CERS6: variants seen among roughly 807,000 people sequenced by gnomAD.
The protein encoded by CERS6 is LAG1 homolog, ceramide synthase 6.
A neutral mutation model predicts 56.8 loss-of-function variants in CERS6; 26 were observed. That is an observed-to-expected ratio of 0.46 (90% CI 0.34 to 0.63). CERS6 has a LOEUF of 0.63. Among genes scored for constraint, CERS6 ranks in the 30% least tolerant of loss-of-function variants. The pLI, the probability that CERS6 is intolerant of heterozygous loss-of-function variation, is 0.01. For synonymous variants in CERS6, 164 were observed against 173.3 expected, an observed-to-expected ratio of 0.95 and a Z score of 0.42; for missense variants, 415 against 467.5, an observed-to-expected ratio of 0.89 and a Z score of 1.04.
chr2:168,601,917 G>A (rs1169297241), intron 3 of CERS6, among the ~76,000 whole-genome samples: 1 of 152,110 alleles, frequency 6.6e-6, no homozygotes, highest in Non-Finnish European at 1.5e-5. Flanking sequence ...TGCATGCAGT[G>A]TTGAACTTGA....
intron 1 of CERS6, among the ~76,000 whole-genome samples, chr2:168,516,906 T>C (rs1361719249): frequency 6.6e-6 from 1 of 152,144 alleles, no homozygotes; most frequent in Non-Finnish European, 1.5e-5. Context: ...TTTTGCACTC[T>C]TGATCACAAG....
chr2:168,737,509 C>T (rs1289806858), intron 8 of CERS6, among the ~76,000 whole-genome samples: 3 of 152,154 alleles, frequency 2.0e-5, no homozygotes, highest in Non-Finnish European at 4.4e-5. Context: ...AAATGAAGGG[C>T]TGCAGTGTCT....
chr2:168,514,240 A>G (rs1348970869), intron 1 of CERS6, among the ~76,000 whole-genome samples: 2 of 152,168 alleles, frequency 1.3e-5, no homozygotes, highest in African/African-American at 4.8e-5. Flanking sequence ...AAATTTCCCA[A>G]AGAAGTGTAG....
chr2:168,487,356 C>T (rs1161351699), intron 1 of CERS6, among the ~76,000 whole-genome samples: 1 of 152,188 alleles, frequency 6.6e-6, no homozygotes, highest in Non-Finnish European at 1.5e-5. Context: ...CCTTGTCTCT[C>T]TCCTCTACTA....
chr2:168,597,189 A>G (rs1302878580), intron 3 of CERS6, among the ~76,000 whole-genome samples: 4 of 152,194 alleles, frequency 2.6e-5, no homozygotes, highest in African/African-American at 9.7e-5. Context: ...ATAGGGTTTT[A>G]TTGGAGGGAA....
At chr2:168,641,252 A>G (rs1461312025) in intron 4 of CERS6, among the ~76,000 whole-genome samples, 1 of 38,828 alleles carries the variant, frequency 2.6e-5, no homozygotes, top group African/African-American at 6.6e-5. Context: ...ACTGTACCGG[A>G]AATGTCATTT....
intron 1 of CERS6, among the ~76,000 whole-genome samples, chr2:168,521,157 T>C (rs572771164): frequency 6.6e-6 from 1 of 152,288 alleles, no homozygotes; most frequent in Admixed American, 6.5e-5. Flanking sequence ...GACAACGCCG[T>C]ACAGTGATAA....
At chr2:168,638,396 C>T (rs1292398275) in intron 4 of CERS6, among the ~76,000 whole-genome samples, 1 of 150,708 alleles carries the variant, frequency 6.6e-6, no homozygotes, top group Admixed American at 6.6e-5. Flanking sequence ...ATGAATATCC[C>T]AGTTACCCTG....
At chr2:168,582,369 G>C (rs1276643998) in intron 3 of CERS6, among the ~76,000 whole-genome samples, 1 of 152,072 alleles carries the variant, frequency 6.6e-6, no homozygotes, top group African/African-American at 2.4e-5. Context: ...TTAGGTCTCT[G>C]GGTTCCTAGT....
chr2:168,763,984 A>G (rs1359071349), intron 8 of CERS6, among the ~76,000 whole-genome samples: 1 of 152,194 alleles, frequency 6.6e-6, no homozygotes, highest in African/African-American at 2.4e-5. Flanking sequence ...AGAGCAAAGC[A>G]CTAAAACCAG....
chr2:168,645,616 G>T (rs909188781), intron 4 of CERS6, among the ~76,000 whole-genome samples: 1 of 152,146 alleles, frequency 6.6e-6, no homozygotes, highest in East Asian at 1.9e-4. Context: ...GGGGTTTGTT[G>T]TATAGATTAT....
intron 8 of CERS6, among the ~76,000 whole-genome samples, chr2:168,720,208 G>T (rs1011437650): frequency 1.3e-5 from 2 of 151,896 alleles, no homozygotes; most frequent in African/African-American, 2.4e-5. Flanking sequence ...GGGATTACAG[G>T]CATGAGCCAC....
intron 6 of CERS6, among the ~76,000 whole-genome samples, chr2:168,696,724 C>T (rs1016461167): frequency 2.0e-5 from 3 of 152,184 alleles, no homozygotes; most frequent in Admixed American, 6.5e-5. Flanking sequence ...CTCTATGAGG[C>T]CTCCTTGTGA....
At chr2:168,751,953 T>A (rs1473136897) in intron 8 of CERS6, among the ~76,000 whole-genome samples, 2 of 152,230 alleles carry the variant, frequency 1.3e-5, no homozygotes, top group Non-Finnish European at 2.9e-5. Context: ...TCTACCTTAG[T>A]AATCAGTGTA....
At chr2:168,637,369 C>T (rs1433454995) in intron 4 of CERS6, among the ~76,000 whole-genome samples, 2 of 152,098 alleles carry the variant, frequency 1.3e-5, no homozygotes, top group Non-Finnish European at 2.9e-5. Context: ...ATAGTCCCAG[C>T]TACTCAGGAG....
At chr2:168,560,083 C>T (rs973306911) in intron 2 of CERS6, among the ~76,000 whole-genome samples, 3 of 152,066 alleles carry the variant, frequency 2.0e-5, no homozygotes, top group Non-Finnish European at 4.4e-5. Context: ...ACTTACAGTT[C>T]CACATGGCTG....
Position 168,715,232 on chromosome 2 carries a change from T to C in CERS6, c.738+103T>C, listed in dbSNP as rs1045994851. On this transcript the variant is annotated intron_variant, in intron 7 of 9. Coordinates refer to ENST00000305747, the MANE Select transcript of CERS6 (RefSeq NM_203463.3). Reference sequence around the variant, plus strand: ...TATGCTAGATGGTGCTTGGGTACAATAGTAAATAACTACATTGAAACTGCA... The same window carrying C: ...TATGCTAGATGGTGCTTGGGTACAACAGTAAATAACTACATTGAAACTGCA... 2.0e-5 allele frequency: 19 copies of C among 933,454 alleles called. No individual in the cohort carries two copies. The South Asian group carries it at 3.0e-4, about 15-fold the overall frequency. 57.8% of individuals were successfully genotyped at this position (933,454 alleles called of 1,614,324 possible).
At chr2:168,763,272 C>T (rs1216883809) in intron 8 of CERS6, among the ~76,000 whole-genome samples, 8 of 129,008 alleles carry the variant, frequency 6.2e-5, no homozygotes. Flanking sequence ...GACAGAGTCT[C>T]ACTGTATCAC....
At chr2:168,581,921 A>G (rs1230013753) in intron 3 of CERS6, among the ~76,000 whole-genome samples, 2 of 152,166 alleles carry the variant, frequency 1.3e-5, no homozygotes, top group Non-Finnish European at 2.9e-5. Flanking sequence ...CCTGTCCGGC[A>G]TGGACGATAC....
Sources: gnomAD v4.1 joint callset for allele counts (sites outside exome capture counted in the v4.1 genomes callset) on GRCh38, gnomAD v4.1.1 for gene constraint, MANE v1.5 for transcripts, NCBI Gene and HGNC (gene_info 2026-07-23, HGNC 2026-07-21) for gene names.